The following SCFD2 variants were observed in gnomAD, a reference collection of about 807,000 sequenced individuals.
SCFD2 encodes sec1 family domain containing 2.
SCFD2 carries 54 observed loss-of-function variants against 58.9 expected under a neutral mutation model. The ratio of observed to expected loss-of-function variants is 0.92; its 90% CI spans 0.74 to 1.15. The LOEUF (loss-of-function observed/expected upper bound fraction) is 1.15. Among genes scored for constraint, SCFD2 ranks in the 50% most tolerant of loss-of-function variants. The pLI, the probability that SCFD2 is intolerant of heterozygous loss-of-function variation, is 0.00. For missense variants in SCFD2, 805 were observed against 836.6 expected, an observed-to-expected ratio of 0.96 and a Z score of 0.47; for synonymous variants, 321 against 335.9, an observed-to-expected ratio of 0.96 and a Z score of 0.49.
intron 4 of SCFD2, among the ~76,000 whole-genome samples, chr4:53,229,524 G>A (rs1370284138): frequency 1.3e-5 from 2 of 152,180 alleles, no homozygotes; most frequent in Non-Finnish European, 2.9e-5. Flanking sequence ...ATGGGGAAAG[G>A]ATTCCCTATT....
chr4:53,301,826 C>T (rs371489977), intron 3 of SCFD2, among the ~76,000 whole-genome samples: 3 of 152,020 alleles, frequency 2.0e-5, no homozygotes, highest in Non-Finnish European at 4.4e-5. Context: ...TAATCCAGCA[C>T]ATAAACAGAA....
chr4:53,139,916 C>A (rs7694770), intron 5 of SCFD2, among the ~76,000 whole-genome samples: 14 of 148,912 alleles, frequency 9.4e-5, no homozygotes, highest in African/African-American at 2.3e-4. Context: ...CCCCAACCCC[C>A]TGCTCTCTGA....
intron 7 of SCFD2, 75 bp downstream of exon 7, chr4:52,907,382 C>G: frequency 6.9e-7 from 1 of 1,451,590 alleles, no homozygotes; most frequent in Non-Finnish European, 9.7e-7. Context: ...CTAGGGTTAA[C>G]AGGGTGCCAG....
intron 5 of SCFD2, among the ~76,000 whole-genome samples, chr4:52,933,708 GA>G (rs1333073027): frequency 1.3e-5 from 2 of 152,180 alleles, no homozygotes; most frequent in Non-Finnish European, 2.9e-5. Flanking sequence ...AGGGATTTGA[GA>G]GTTAGTTTAG....
At position 53,145,345 on chromosome 4, in the gene SCFD2, G is replaced by A. The variant is rs780056873; in HGVS notation, c.1549C>T (p.Gln517Ter). The A allele has an allele frequency of 6.2e-7, 1 of 1,612,092 alleles. No homozygotes were observed. The highest frequency in any genetic ancestry group is 1.3e-5 in the African/African-American group (1 of 74,734). The change falls in exon 5 of 9, where the codon CAA becomes TAA. Residue 517 changes from glutamine to a stop codon, truncating the protein, a stop_gained. Transcript: ENST00000401642. LOFTEE classifies it high-confidence loss of function. ...GTTAGACACTCACCCGTAATTTTTT[G>A]CAGCAAAGGTGACAATCCAGATTCC... ...CEESGLSPLL[Q>*]KITDWDSSIN...
At chr4:52,891,914 T>C (rs1371730283) in intron 7 of SCFD2, among the ~76,000 whole-genome samples, 1 of 152,222 alleles carries the variant, frequency 6.6e-6, no homozygotes, top group Non-Finnish European at 1.5e-5. Context: ...CTCAACTTGC[T>C]CCATGACAAG....
chr4:53,181,035 C>T (rs2148947961), intron 4 of SCFD2, among the ~76,000 whole-genome samples: 1 of 152,222 alleles, frequency 6.6e-6, no homozygotes, highest in South Asian at 2.1e-4. Context: ...CAAAAAAAGT[C>T]CAGGACCAGA....
chr4:53,226,309 G>T (rs115904754), intron 4 of SCFD2, among the ~76,000 whole-genome samples: 148 of 152,008 alleles, frequency 9.7e-4, no homozygotes, highest in African/African-American at 3.5e-3. Context: ...TTTATGGGGG[G>T]GAGGGGACTA....
chr4:53,152,833 G>A (rs1726551902), intron 4 of SCFD2, among the ~76,000 whole-genome samples: 1 of 152,154 alleles, frequency 6.6e-6, no homozygotes, highest in Admixed American at 6.5e-5. Context: ...GGAGGAATCA[G>A]CCAAAAGAAC....
chr4:53,227,564 T>A (rs1729260808), intron 4 of SCFD2, among the ~76,000 whole-genome samples: 1 of 152,190 alleles, frequency 6.6e-6, no homozygotes, highest in Non-Finnish European at 1.5e-5. Context: ...TTAAAAACTA[T>A]ATTTGTTGTT....
At chr4:53,017,334 G>A (rs1411904751) in intron 5 of SCFD2, among the ~76,000 whole-genome samples, 2 of 152,162 alleles carry the variant, frequency 1.3e-5, no homozygotes, top group Non-Finnish European at 2.9e-5. Context: ...AACAAGGAGA[G>A]AGAAGATGAA....
At chr4:52,952,473 G>C (rs942259417) in intron 5 of SCFD2, among the ~76,000 whole-genome samples, 82 of 152,286 alleles carry the variant, frequency 5.4e-4, no homozygotes, top group African/African-American at 1.8e-3. Context: ...TCCTGAGAGA[G>C]AAAGCAAGTA....
intron 7 of SCFD2, among the ~76,000 whole-genome samples, chr4:52,902,920 T>C (rs1022245725): frequency 6.6e-6 from 1 of 152,350 alleles, no homozygotes; most frequent in East Asian, 1.9e-4. Context: ...TAGCATAGCT[T>C]ATAGTAGACG....
intron 6 of SCFD2, among the ~76,000 whole-genome samples, chr4:52,912,270 A>G (rs183426776): frequency 4.6e-5 from 7 of 152,282 alleles, no homozygotes; most frequent in Non-Finnish European, 8.8e-5. Flanking sequence ...AGAGGATGAG[A>G]GGGACACTCT....
In SCFD2 at chr4:52,885,805, G is replaced by A; in HGVS notation, c.1904C>T (p.Thr635Ile). The A allele has an allele frequency of 6.2e-7, 1 of 1,614,102 alleles. No individual in the cohort carries two copies. The highest frequency in any genetic ancestry group is 8.5e-7 in the Non-Finnish European group (1 of 1,179,974). The change falls in exon 8 of 9, where the codon ACA becomes ATA. Residue 635 changes from threonine (T) to isoleucine (I), a missense_variant. This residue lies in a region of SCFD2 where 633 missense variants were observed against 646.8 expected (regional missense o/e 0.98). Transcript: ENST00000401642. The stretch of plus-strand genomic sequence containing the variant: ...TTTGACCATTTTCACTTCAGAGACT[G>A]TGACCCCACCTACCACAAAGAGGAT... Reference protein sequence around the residue: ...LLILFVVGGVTVSEVKMVKDL... With the variant: ...LLILFVVGGVIVSEVKMVKDL...
chr4:52,969,409 A>C (rs942261013), intron 5 of SCFD2, among the ~76,000 whole-genome samples: 4 of 152,240 alleles, frequency 2.6e-5, no homozygotes, highest in African/African-American at 9.6e-5. Context: ...AAAATGGTTT[A>C]GGAAATTAGA....
At chr4:53,048,005 G>A (rs1281248560) in intron 5 of SCFD2, among the ~76,000 whole-genome samples, 1 of 152,136 alleles carries the variant, frequency 6.6e-6, no homozygotes, top group African/African-American at 2.4e-5. Context: ...CACTTACCCA[G>A]TGCACAAGAC....
intron 1 of SCFD2, among the ~76,000 whole-genome samples, chr4:53,356,314 C>A (rs2128103): frequency 0.81 from 123,747 of 152,222 alleles, 50,446 homozygotes; most frequent in Middle Eastern, 0.85. Flanking sequence ...CATTTCTGCC[C>A]TATGCTATTT....
chr4:53,300,944 G>C (rs371953391), intron 3 of SCFD2, among the ~76,000 whole-genome samples: 2 of 152,114 alleles, frequency 1.3e-5, no homozygotes, highest in African/African-American at 4.8e-5. Flanking sequence ...GGACACATTC[G>C]AAGCAGTGTG....
Sources: gnomAD v4.1 joint callset for allele counts (sites outside exome capture counted in the v4.1 genomes callset) on GRCh38, gnomAD v4.1.1 for gene constraint, gnomAD v4.1.1 regional missense constraint, MANE v1.5 for transcripts, NCBI Gene and HGNC (gene_info 2026-07-23, HGNC 2026-07-21) for gene names.